The following SLC22A14 variants were observed in gnomAD, a reference collection of about 807,000 sequenced individuals.
SLC22A14 encodes the protein solute carrier family 22 member 14, also known as organic cation transporter-like 4.
SLC22A14 carries 50 observed loss-of-function variants against 53.9 expected under a neutral mutation model. That is an observed-to-expected ratio of 0.93 (90% CI 0.74 to 1.17). The LOEUF is 1.17. SLC22A14 is among the 50% of genes most tolerant of loss of function. The pLI is 0.00. For synonymous variants in SLC22A14, 312 were observed against 303.0 expected (o/e 1.03, Z -0.31); for missense variants, 671 against 734.7 (o/e 0.91, Z 1.00).
intron 1 of SLC22A14, among the ~76,000 whole-genome samples, chr3:38,292,673 C>T (rs1163070097): frequency 2.0e-5 from 3 of 152,032 alleles, no homozygotes; most frequent in Non-Finnish European, 2.9e-5. Flanking sequence ...TTGAACAGGA[C>T]GGGAATTCTT....
intron 1 of SLC22A14, among the ~76,000 whole-genome samples, chr3:38,282,761 G>A (rs559124311): frequency 6.6e-6 from 1 of 152,114 alleles, no homozygotes; most frequent in Non-Finnish European, 1.5e-5. Flanking sequence ...GAGGGAGGCT[G>A]GTACAGATGG....
At position 38,308,936 on chromosome 3, in the gene SLC22A14, C is replaced by T; in HGVS notation, c.776-18C>T. On this transcript the variant is annotated intron_variant, in intron 4 of 10. Transcript: ENST00000448498. The stretch of plus-strand genomic sequence containing the variant: ...ACCCTGACGTAACCATGGTTTTGTC[C>T]TCTTGGCCTCTGCACAGCCACTGAG... 6.2e-7 allele frequency: 1 copy of T among 1,611,840 alleles called. No homozygotes were observed. Among genetic ancestry groups the T allele is most frequent in the African/African-American group, 1.3e-5 (1 of 75,056 alleles).
At position 38,313,333 on chromosome 3, in the gene SLC22A14, G is replaced by A. The variant is rs1704524849; in HGVS notation, c.1066-55G>A. 4 of 1,458,250 alleles carry A rather than the reference G, an allele frequency of 2.7e-6. No homozygotes were observed. In the East Asian group the frequency reaches 9.1e-5, roughly 33 times the overall value. The allele number at this position is 1,458,250 out of a possible 1,614,324, so 90.3% of individuals were successfully genotyped here. On this transcript the variant is annotated intron_variant, in intron 6 of 10. Transcript: ENST00000448498. ...CAGGCCTTGTGGGTGCTGTGGGGCT[G>A]GGGAGCAAGCTGGGGTCTTGGCCCT...
intron 5 of SLC22A14, among the ~76,000 whole-genome samples, chr3:38,309,789 GAGA>G (rs1704415740): frequency 6.6e-6 from 1 of 151,974 alleles, no homozygotes; most frequent in African/African-American, 2.4e-5. Flanking sequence ...AGAGGGAGGT[GAGA>G]AGAAGCTGAA....
At chr3:38,314,946 G>C (rs1348529411) in intron 8 of SLC22A14, among the ~76,000 whole-genome samples, 2 of 152,252 alleles carry the variant, frequency 1.3e-5, no homozygotes, top group East Asian at 1.9e-4. Context: ...GACTGGAATG[G>C]GAGTAAGGCC....
intron 1 of SLC22A14, among the ~76,000 whole-genome samples, chr3:38,288,076 A>G (rs933020467): frequency 2.6e-5 from 4 of 152,166 alleles, no homozygotes; most frequent in Non-Finnish European, 5.9e-5. Flanking sequence ...GAAATTCTGT[A>G]CCTACTACAT....
chr3:38,315,250 C>T (rs891922850), intron 8 of SLC22A14, among the ~76,000 whole-genome samples: 1 of 152,228 alleles, frequency 6.6e-6, no homozygotes, highest in Non-Finnish European at 1.5e-5. Context: ...GAGGAAGCTG[C>T]AATTGGGTGA....
intron 1 of SLC22A14, among the ~76,000 whole-genome samples, chr3:38,301,626 TTC>T (rs764651550): frequency 5.3e-5 from 8 of 152,326 alleles, no homozygotes; most frequent in Non-Finnish European, 1.2e-4. Flanking sequence ...TGTCTTTAAT[TTC>T]TCTTTCTTAT....
intron 1 of SLC22A14, among the ~76,000 whole-genome samples, chr3:38,287,338 A>G (rs1014278613): frequency 5.3e-5 from 8 of 152,184 alleles, no homozygotes; most frequent in African/African-American, 1.9e-4. Flanking sequence ...ACAAAACAGC[A>G]TAGTTTTTGT....
chr3:38,308,131 A>G (rs149669619), intron 4 of SLC22A14: 1 of 149,338 alleles, frequency 6.7e-6, no homozygotes, highest in Non-Finnish European at 1.4e-5. Context: ...AAAAAACAAC[A>G]AAAAACAGAA....
At chr3:38,306,667 C>CAG (rs1258348738) in intron 2 of SLC22A14, 125 bp downstream of exon 2, 2 of 924,342 alleles carry the variant, frequency 2.2e-6, no homozygotes, top group African/African-American at 3.3e-5. Context: ...GGTCAACCTG[C>CAG]AGAGGCAGGG....
intron 1 of SLC22A14, among the ~76,000 whole-genome samples, chr3:38,290,835 T>C (rs1348622988): frequency 6.6e-6 from 1 of 152,182 alleles, no homozygotes; most frequent in African/African-American, 2.4e-5. Flanking sequence ...TCCTGCTTTG[T>C]GGCTCTTTTG....
At chr3:38,281,239 A>G (rs1013842068), upstream of SLC22A14, among the ~76,000 whole-genome samples, 1 of 152,228 alleles carries the variant, frequency 6.6e-6, no homozygotes, top group Non-Finnish European at 1.5e-5. Context: ...GGAAACTGCA[A>G]AAGAGCTGTA....
chr3:38,307,484 C>T lies in SLC22A14; in HGVS notation c.621-82C>T. 6.3e-7 allele frequency: 1 copy of T among 1,587,380 alleles called. No individual in the cohort carries two copies. Among genetic ancestry groups the T allele is most frequent in the East Asian group, 2.2e-5 (1 of 44,688 alleles). ...GTTCTCCAGGGACCCATGGATGGCT[C>T]AGGGCCTGGCCCAGGTGTATCCGGC... On this transcript the variant is annotated intron_variant, in intron 3 of 10. Transcript: ENST00000448498. The surrounding 1 kb of genome is among the most constrained non-coding windows in gnomAD (Gnocchi z 4.4).
intron 1 of SLC22A14, among the ~76,000 whole-genome samples, chr3:38,288,627 G>T (rs1703842045): frequency 6.6e-6 from 1 of 151,882 alleles, no homozygotes; most frequent in Non-Finnish European, 1.5e-5. Flanking sequence ...TCATCCTAAT[G>T]GGTGTCTTGT....
intron 10 of SLC22A14, among the ~76,000 whole-genome samples, chr3:38,316,856 C>A (rs540905503): frequency 6.6e-6 from 1 of 152,236 alleles, no homozygotes; most frequent in Non-Finnish European, 1.5e-5. Flanking sequence ...CCCTCTCCTC[C>A]CAGGGACAGG....
At chr3:38,303,741 A>G (rs1168605744) in intron 1 of SLC22A14, 1 of 152,026 alleles carries the variant, frequency 6.6e-6, no homozygotes, top group African/African-American at 2.4e-5. Context: ...TCCTCCAGAG[A>G]TCATTTTCCT....
intron 1 of SLC22A14, among the ~76,000 whole-genome samples, chr3:38,288,064 C>T (rs762952141): frequency 6.6e-6 from 1 of 152,200 alleles, no homozygotes; most frequent in East Asian, 1.9e-4. Flanking sequence ...TTTTCCCAAG[C>T]TGAAATTCTG....
At chr3:38,315,499 A>T (rs1309284043) in intron 8 of SLC22A14, 59 bp from the exon 9 acceptor site, 12 of 1,541,358 alleles carry the variant, frequency 7.8e-6, no homozygotes, top group Non-Finnish European at 9.7e-6. Flanking sequence ...GGCTGTTCAG[A>T]TGCCTTCTGG....
Sources: allele counts gnomAD v4.1 joint callset (sites outside exome capture counted in the v4.1 genomes callset), GRCh38; gene constraint gnomAD v4.1.1; non-coding constraint Gnocchi (gnomAD v3.1); transcripts MANE v1.5; gene names NCBI Gene and HGNC (gene_info 2026-07-23, HGNC 2026-07-21).